Variants in PDE11A observed in about 807,000 individuals in gnomAD.
PDE11A encodes the protein dual 3',5'-cyclic-AMP and -GMP phosphodiesterase 11A.
A neutral mutation model predicts 100.5 loss-of-function variants in PDE11A; 100 were observed. That is an observed-to-expected ratio of 1.00 (90% CI 0.85 to 1.18). The LOEUF (loss-of-function observed/expected upper bound fraction) is 1.18, where lower values mean the gene tolerates loss of function less well. Among genes scored for constraint, PDE11A ranks in the 50% most tolerant of loss-of-function variants. The pLI is 0.00. For synonymous variants in PDE11A, 381 were observed against 420.8 expected, an observed-to-expected ratio of 0.91 and a Z score of 1.16; for missense variants, 1,141 against 1,152.6, an observed-to-expected ratio of 0.99 and a Z score of 0.15.
chr2:177,664,343 A>C (rs2105479434), intron 18 of PDE11A, among the ~76,000 whole-genome samples: 1 of 152,348 alleles, frequency 6.6e-6, no homozygotes, highest in African/African-American at 2.4e-5. Flanking sequence ...TTGGGATAGA[A>C]TAGGACAAAT....
chr2:178,101,133 C>A (rs2087554609), intron 2 of PDE11A, among the ~76,000 whole-genome samples: 1 of 152,174 alleles, frequency 6.6e-6, no homozygotes, highest in African/African-American at 2.4e-5. Context: ...CTCAGCGGCC[C>A]CCAAGCCACC....
At chr2:177,853,202 T>C (rs1271604578) in intron 5 of PDE11A, among the ~76,000 whole-genome samples, 1 of 152,162 alleles carries the variant, frequency 6.6e-6, no homozygotes, top group African/African-American at 2.4e-5. Context: ...ATAATTTTAT[T>C]ATTATCTCTA....
At chr2:178,040,006 C>G (rs1224126608) in intron 1 of PDE11A, among the ~76,000 whole-genome samples, 1 of 146,190 alleles carries the variant, frequency 6.8e-6, no homozygotes, top group Non-Finnish European at 1.5e-5. Flanking sequence ...GTGGTGGTGA[C>G]AAGAGGAAGG....
chr2:177,999,671 T>C (rs1222993937), intron 2 of PDE11A, among the ~76,000 whole-genome samples: 1 of 152,220 alleles, frequency 6.6e-6, no homozygotes, highest in Non-Finnish European at 1.5e-5. Context: ...TTATATGCTA[T>C]GGAGAGCAAT....
At chr2:178,081,522 A>G (rs1452056228) in intron 2 of PDE11A, among the ~76,000 whole-genome samples, 1 of 152,232 alleles carries the variant, frequency 6.6e-6, no homozygotes, top group South Asian at 2.1e-4. Context: ...TCATTTGTTA[A>G]CAATGACCAA....
At chr2:177,990,794 A>C (rs2085994186) in intron 2 of PDE11A, among the ~76,000 whole-genome samples, 1 of 144,646 alleles carries the variant, frequency 6.9e-6, no homozygotes, top group Non-Finnish European at 1.5e-5. Context: ...CATGCCTGTA[A>C]TCCTAGCACT....
chr2:177,942,505 T>C (rs1282510454), intron 2 of PDE11A, among the ~76,000 whole-genome samples: 1 of 151,670 alleles, frequency 6.6e-6, no homozygotes, highest in Non-Finnish European at 1.5e-5. Context: ...CAGATTCAAG[T>C]GATTCTCCTG....
upstream of PDE11A, chr2:178,072,888 A>G (rs2105874204): frequency 1.8e-6 from 2 of 1,132,394 alleles, no homozygotes; most frequent in African/African-American, 1.6e-5. Context: ...CAGACCAGCC[A>G]AAGTCCACGG....
intron 4 of PDE11A, among the ~76,000 whole-genome samples, chr2:177,876,975 T>A (rs114047870): frequency 0.032 from 4,676 of 147,700 alleles, 808 homozygotes; most frequent in African/African-American, 0.12. Context: ...GAGGGCCAGA[T>A]GGTTGAAGCT....
intron 9 of PDE11A, among the ~76,000 whole-genome samples, chr2:177,788,018 C>A (rs2082566212): frequency 6.6e-6 from 1 of 151,968 alleles, no homozygotes. Context: ...GAATTGAACT[C>A]AGCTCTGCAC....
At chr2:178,011,427 G>A (rs2086273150) in intron 2 of PDE11A, among the ~76,000 whole-genome samples, 2 of 152,122 alleles carry the variant, frequency 1.3e-5, no homozygotes, top group African/African-American at 4.8e-5. Context: ...CTCTCATATA[G>A]AAGACCAGTT....
intron 4 of PDE11A, among the ~76,000 whole-genome samples, chr2:177,893,068 G>C (rs543464885): frequency 6.6e-6 from 1 of 152,166 alleles, no homozygotes; most frequent in Admixed American, 6.5e-5. Context: ...ATTGAGTCTG[G>C]GAGCAAGGTT....
At chr2:177,641,008 C>T (rs948728642) in intron 19 of PDE11A, among the ~76,000 whole-genome samples, 3 of 152,174 alleles carry the variant, frequency 2.0e-5, no homozygotes, top group Non-Finnish European at 4.4e-5. Context: ...CCATCATCCC[C>T]CTGACTGTTT....
At chr2:177,820,131 A>C (rs1207414895) in intron 7 of PDE11A, 89 bp downstream of exon 7, 4 of 752,166 alleles carry the variant, frequency 5.3e-6, no homozygotes, top group Admixed American at 1.9e-5. Context: ...CCATAAAAAG[A>C]GGGAACACAT....
Position 177,898,023 on chromosome 2 carries a change from CA to C in PDE11A, c.1302+34del, listed in dbSNP as rs541782176. ...TAAACTCAACTTTATTCCATTCACA[CA>C]GTCTTCAACTTTAAAAGATAAAAGA... On this transcript the variant is annotated intron_variant, in intron 4 of 19. Coordinates refer to ENST00000286063, the MANE Select transcript of PDE11A (RefSeq NM_016953.4). 442 of 1,526,758 alleles carry C rather than the reference CA, an allele frequency of 2.9e-4. 4 individuals are homozygous for C. The African/African-American group carries it at 5.5e-3, about 19-fold the overall frequency. 94.6% of individuals were successfully genotyped at this position (1,526,758 alleles called of 1,614,324 possible).
At chr2:177,897,015 G>T (rs966517749) in intron 4 of PDE11A, among the ~76,000 whole-genome samples, 6 of 152,096 alleles carry the variant, frequency 3.9e-5, no homozygotes, top group Non-Finnish European at 8.8e-5. Flanking sequence ...ACTCAATATT[G>T]TAAGTCTTAC....
At chr2:177,789,607 T>G (rs972482623) in intron 9 of PDE11A, among the ~76,000 whole-genome samples, 1 of 151,992 alleles carries the variant, frequency 6.6e-6, no homozygotes, top group African/African-American at 2.4e-5. Flanking sequence ...TTGTCCCTGT[T>G]TGCAGATGAC....
chr2:178,062,683 A>G (rs973316893), intron 1 of PDE11A, among the ~76,000 whole-genome samples: 3 of 152,244 alleles, frequency 2.0e-5, no homozygotes, highest in Admixed American at 6.5e-5. Flanking sequence ...CTGTTAGTTC[A>G]TTAAACTGTG....
chr2:177,698,147 G>A (rs2081143561), intron 14 of PDE11A, among the ~76,000 whole-genome samples: 1 of 152,174 alleles, frequency 6.6e-6, no homozygotes, highest in Non-Finnish European at 1.5e-5. Context: ...GAAGTGTGTG[G>A]CAGGCTAAAT....
Sources: gnomAD v4.1 joint callset for allele counts (sites outside exome capture counted in the v4.1 genomes callset) on GRCh38, gnomAD v4.1.1 for gene constraint, MANE v1.5 for transcripts, NCBI Gene and HGNC (gene_info 2026-07-23, HGNC 2026-07-21) for gene names.